Variants in NSUN4 observed in about 807,000 individuals in gnomAD.
NSUN4 encodes NOP2/Sun RNA methyltransferase 4.
In NSUN4, 31 loss-of-function variants were observed where a neutral mutation model predicts 43.8. That is an observed-to-expected ratio of 0.71 (90% confidence interval 0.53 to 0.96). The LOEUF (loss-of-function observed/expected upper bound fraction) is 0.96. NSUN4 is among the 40% of genes least tolerant of loss of function. The pLI is 0.00. For missense variants in NSUN4, 439 were observed against 475.6 expected, an observed-to-expected ratio of 0.92 and a Z score of 0.72; for synonymous variants, 167 against 184.1, an observed-to-expected ratio of 0.91 and a Z score of 0.75.
At chr1:46,349,622 C>T (rs1022051272) in intron 3 of NSUN4, among the ~76,000 whole-genome samples, 4 of 152,248 alleles carry the variant, frequency 2.6e-5, no homozygotes, top group Non-Finnish European at 5.9e-5. Context: ...CCTTCTTTTC[C>T]AGGTCTTGTC....
At chr1:46,374,882 C>T in the NSUN4 span, among the ~76,000 whole-genome samples, 14 of 142,640 alleles carry the variant, frequency 9.8e-5, no homozygotes, top group Admixed American at 2.1e-4. Context: ...CATGAGACCC[C>T]GTCTCTGGAA....
Position 46,360,703 on chromosome 1 carries a change from G to A in NSUN4, c.754-1G>A, listed in dbSNP as rs1663804228. On this transcript the variant is annotated splice_acceptor_variant, in intron 4 of 5. Transcript: ENST00000474844. LOFTEE classifies it high-confidence loss of function. ...ACTTTACCCTTTAACACTCTGGGTA[G>A]GTGCTGGTGGATGTGCCCTGTACCA... 3.7e-6 allele frequency: 6 copies of A among 1,613,768 alleles called. No individual in the cohort carries two copies. In the East Asian group the frequency reaches 1.1e-4, roughly 30 times the overall value.
At chr1:46,358,176 A>G (rs1569764186) in intron 4 of NSUN4, among the ~76,000 whole-genome samples, 2 of 151,932 alleles carry the variant, frequency 1.3e-5, no homozygotes, top group South Asian at 4.2e-4. Context: ...GTTCACTGCA[A>G]CCTCCGCCTC....
chr1:46,381,280 C>G, the NSUN4 span, among the ~76,000 whole-genome samples: 1 of 152,132 alleles, frequency 6.6e-6, no homozygotes, highest in Non-Finnish European at 1.5e-5. Flanking sequence ...TTAAGTTTCC[C>G]TAGAGCACAG....
intron 1 of NSUN4, chr1:46,342,766 A>C: frequency 2.5e-6 from 1 of 398,716 alleles, no homozygotes; most frequent in Non-Finnish European, 4.4e-6. Context: ...AAGTCCCCTA[A>C]GTCCCCAGAG....
intron 3 of NSUN4, 108 bp downstream of exon 3, chr1:46,347,183 A>C: frequency 8.5e-7 from 1 of 1,172,154 alleles, no homozygotes; most frequent in Non-Finnish European, 1.2e-6. Context: ...CCCGCCTGTA[A>C]TCCCAGCACT....
chr1:46,342,532 C>T (rs1662187764), intron 1 of NSUN4: 2 of 399,148 alleles, frequency 5.0e-6, no homozygotes, highest in Non-Finnish European at 8.8e-6. Flanking sequence ...TGCATTGAGT[C>T]CCTTCTCTCC....
downstream of NSUN4, chr1:46,365,091 C>T (rs986076792): frequency 1.3e-5 from 2 of 152,312 alleles, no homozygotes; most frequent in Non-Finnish European, 1.5e-5. Context: ...TACATGGAAT[C>T]ATACAATATG....
At chr1:46,354,699 G>C (rs1341762502) in intron 4 of NSUN4, among the ~76,000 whole-genome samples, 1 of 151,442 alleles carries the variant, frequency 6.6e-6, no homozygotes, top group Non-Finnish European at 1.5e-5. Flanking sequence ...TTGTTGCCCA[G>C]GCTGGAGTGC....
the NSUN4 span, among the ~76,000 whole-genome samples, chr1:46,371,836 G>A: frequency 6.6e-6 from 1 of 152,006 alleles, no homozygotes; most frequent in Non-Finnish European, 1.5e-5. Context: ...GGCGGGGGGT[G>A]CCACACACTT....
the NSUN4 span, among the ~76,000 whole-genome samples, chr1:46,376,173 C>T: frequency 6.7e-6 from 1 of 148,574 alleles, no homozygotes; most frequent in Non-Finnish European, 1.5e-5. Context: ...TTTGGGAGGC[C>T]GAGGTGGGTG....
At chr1:46,353,716 A>T (rs1663168979) in intron 4 of NSUN4, among the ~76,000 whole-genome samples, 1 of 151,948 alleles carries the variant, frequency 6.6e-6, no homozygotes, top group Non-Finnish European at 1.5e-5. Flanking sequence ...TGACCTCGTG[A>T]TCCACCCGCC....
chr1:46,379,318 C>A, the NSUN4 span, among the ~76,000 whole-genome samples: 1 of 152,040 alleles, frequency 6.6e-6, no homozygotes, highest in African/African-American at 2.4e-5. Flanking sequence ...TGCAGCTATA[C>A]CAAAATACTT....
intron 4 of NSUN4, 122 bp from the exon 5 acceptor site, chr1:46,360,582 A>C (rs1261843955): frequency 1.1e-6 from 1 of 942,784 alleles, no homozygotes; most frequent in East Asian, 2.5e-5. Context: ...GGTACTCTGC[A>C]AAGGAGGGAT....
chr1:46,347,004 G>A lies in NSUN4; in HGVS notation c.521G>A (p.Gly174Glu). Residue 174 changes from glycine to glutamate, a missense_variant, in exon 3 of 6, where the codon GGG (glycine) becomes GAG (glutamate). By Grantham distance (98) the Gly-to-Glu change is moderately conservative (BLOSUM62 -2). Transcript: ENST00000474844. ...GTTCTGGCCCTCGGCCTGCAGCCTGGGGACATCGTGCTTGACCTATGTGCA... is the reference window on the plus strand; with the variant it reads ...GTTCTGGCCCTCGGCCTGCAGCCTGAGGACATCGTGCTTGACCTATGTGCA... ...LPVLALGLQP[G>E]DIVLDLCAAP... The A allele has an allele frequency of 6.2e-7, 1 of 1,614,166 alleles. No homozygotes were observed. Among genetic ancestry groups the A allele is most frequent in the Admixed American group, 1.7e-5 (1 of 60,016 alleles).
At chr1:46,367,414 G>A (rs1234033779), downstream of NSUN4, among the ~76,000 whole-genome samples, 2 of 152,008 alleles carry the variant, frequency 1.3e-5, no homozygotes, top group African/African-American at 4.8e-5. Context: ...GCTCTTTTTT[G>A]TTGTTGCCTA....
the NSUN4 span, among the ~76,000 whole-genome samples, chr1:46,383,448 GT>G: frequency 0.059 from 6,068 of 102,376 alleles, 284 homozygotes; most frequent in East Asian, 0.25. Context: ...GTTGGCTGGT[GT>G]TTTTTTTTTT....
chr1:46,356,655 T>C (rs1663395917), intron 4 of NSUN4, among the ~76,000 whole-genome samples: 1 of 151,404 alleles, frequency 6.6e-6, no homozygotes, highest in Non-Finnish European at 1.5e-5. Flanking sequence ...ATCGCGCCAC[T>C]GCACTCCAGC....
chr1:46,358,292 C>T (rs563516174), intron 4 of NSUN4, among the ~76,000 whole-genome samples: 5 of 151,856 alleles, frequency 3.3e-5, no homozygotes, highest in East Asian at 1.9e-4. Flanking sequence ...GACAGGGTTT[C>T]GCCATGTTGG....
Sources: allele counts gnomAD v4.1 joint callset (sites outside exome capture counted in the v4.1 genomes callset), GRCh38; gene constraint gnomAD v4.1.1; transcripts MANE v1.5; gene names NCBI Gene and HGNC (gene_info 2026-07-23, HGNC 2026-07-21).